Variants in TFEC observed in about 807,000 individuals in gnomAD.
TFEC encodes class E basic helix-loop-helix protein 34.
Under a neutral mutation model 41.6 loss-of-function variants are expected in TFEC, and 31 were observed. The ratio of observed to expected loss-of-function variants is 0.74; its 90% CI spans 0.56 to 1.01. The LOEUF is 1.01. Among genes scored for constraint, TFEC ranks in the 50% least tolerant of loss-of-function variants. TFEC has a pLI of 0.00. For synonymous variants in TFEC, 143 were observed against 140.6 expected (o/e 1.02, Z -0.12); for missense variants, 402 against 404.1 (o/e 0.99, Z 0.04).
At position 115,975,389 on chromosome 7, in the gene TFEC, C is replaced by T. The variant is rs544619228; in HGVS notation, c.181-1133G>A. 2.6e-5 allele frequency among the ~76,000 whole-genome samples: 4 copies of T among 152,184 alleles called. No homozygotes were observed. The South Asian group carries it at 8.3e-4, about 32-fold the overall frequency. ...ATATATGCAGATACAGTCAGGAGTA[C>T]ACTCTAATAGATATGGAAAAATATT... On this transcript the variant is annotated intron_variant, in intron 2 of 7. Transcript: ENST00000265440.
chr7:115,946,974 G>T (rs1241799610), intron 6 of TFEC, among the ~76,000 whole-genome samples: 1 of 150,926 alleles, frequency 6.6e-6, no homozygotes, highest in African/African-American at 2.4e-5. Context: ...CAATGTGCAG[G>T]TTAGTTACAT....
chr7:116,120,658 A>C (rs1294989322), intron 1 of TFEC, among the ~76,000 whole-genome samples: 1 of 151,972 alleles, frequency 6.6e-6, no homozygotes, highest in African/African-American at 2.4e-5. Context: ...TAGTTTCATT[A>C]GCATAGAATT....
chr7:115,952,179 T>C (rs1791983205), intron 5 of TFEC, among the ~76,000 whole-genome samples: 1 of 152,062 alleles, frequency 6.6e-6, no homozygotes. Context: ...TAATACATTG[T>C]GATTCCTCTA....
intron 3 of TFEC, among the ~76,000 whole-genome samples, chr7:115,967,217 T>TTA (rs1279138523): frequency 4.0e-5 from 6 of 151,762 alleles, no homozygotes; most frequent in South Asian, 2.1e-4. Flanking sequence ...AAAAAATACC[T>TTA]TATATATATG....
intron 3 of TFEC, among the ~76,000 whole-genome samples, chr7:116,106,627 C>T (rs1022760388): frequency 6.6e-6 from 1 of 152,074 alleles, no homozygotes; most frequent in Non-Finnish European, 1.5e-5. Flanking sequence ...GTCTTTATGT[C>T]CACCCGCCTC....
At chr7:116,098,586 C>A (rs1797526022) in intron 3 of TFEC, among the ~76,000 whole-genome samples, 1 of 151,872 alleles carries the variant, frequency 6.6e-6, no homozygotes, top group Non-Finnish European at 1.5e-5. Context: ...ACTGAGAGAA[C>A]TGAAAGAAAA....
intron 3 of TFEC, among the ~76,000 whole-genome samples, chr7:116,101,716 A>G (rs1167025564): frequency 6.6e-6 from 1 of 152,100 alleles, no homozygotes; most frequent in Non-Finnish European, 1.5e-5. Flanking sequence ...GCAACAATGA[A>G]TGTATTGTAA....
chr7:116,104,499 T>G (rs1797672193), intron 3 of TFEC, among the ~76,000 whole-genome samples: 1 of 152,074 alleles, frequency 6.6e-6, no homozygotes, highest in South Asian at 2.1e-4. Flanking sequence ...TATCAGAGAG[T>G]GCTAGATACA....
chr7:116,120,921 G>C (rs1490223417), intron 1 of TFEC, among the ~76,000 whole-genome samples: 1 of 151,796 alleles, frequency 6.6e-6, no homozygotes, highest in African/African-American at 2.4e-5. Flanking sequence ...ATATTTACTG[G>C]TTCTATAAAA....
intron 3 of TFEC, among the ~76,000 whole-genome samples, chr7:116,046,562 T>C (rs566891380): frequency 6.6e-6 from 1 of 152,242 alleles, no homozygotes; most frequent in South Asian, 2.1e-4. Context: ...TTATCAACAG[T>C]GTGAAAATGA....
intron 1 of TFEC, among the ~76,000 whole-genome samples, chr7:116,159,110 A>G (rs1331842573): frequency 1.3e-5 from 2 of 151,866 alleles, no homozygotes; most frequent in African/African-American, 4.8e-5. Flanking sequence ...TCATTTACTT[A>G]AAGAGCTATC....
intron 3 of TFEC, among the ~76,000 whole-genome samples, chr7:115,973,665 G>A (rs902938088): frequency 1.4e-4 from 21 of 151,930 alleles, no homozygotes; most frequent in Non-Finnish European, 2.8e-4. Flanking sequence ...CTTTAAAGGA[G>A]GGTGAGGCCT....
intron 1 of TFEC, among the ~76,000 whole-genome samples, chr7:116,158,429 C>A (rs1798912474): frequency 6.6e-6 from 1 of 152,112 alleles, no homozygotes; most frequent in Admixed American, 6.6e-5. Context: ...ACATCTGAAG[C>A]ATGAATTCCC....
At chr7:116,033,724 G>A (rs1465697291), upstream of TFEC, among the ~76,000 whole-genome samples, 1 of 152,072 alleles carries the variant, frequency 6.6e-6, no homozygotes, top group Admixed American at 6.6e-5. Flanking sequence ...GTAATCTACA[G>A]TGCCAAACAT....
intron 6 of TFEC, 92 bp downstream of exon 6, chr7:115,950,782 T>C: frequency 1.1e-6 from 1 of 917,858 alleles, no homozygotes; most frequent in Non-Finnish European, 1.6e-6. Context: ...CTTAGTTTCC[T>C]AGTCATTGGT....
chr7:116,014,787 G>C (rs748880117), intron 1 of TFEC, among the ~76,000 whole-genome samples: 8 of 152,088 alleles, frequency 5.3e-5, no homozygotes, highest in African/African-American at 9.7e-5. Flanking sequence ...ATAAGATGGT[G>C]ACAGGAGGAC....
intron 1 of TFEC, among the ~76,000 whole-genome samples, chr7:115,986,209 C>T (rs1214777654): frequency 6.6e-6 from 1 of 152,080 alleles, no homozygotes; most frequent in Non-Finnish European, 1.5e-5. Flanking sequence ...GCAACAACAA[C>T]AATGATAATA....
At chr7:116,068,276 C>T (rs1268339949) in intron 3 of TFEC, among the ~76,000 whole-genome samples, 2 of 151,756 alleles carry the variant, frequency 1.3e-5, no homozygotes, top group Non-Finnish European at 3.0e-5. Flanking sequence ...CCTGATCTCA[C>T]TGAACCTGGG....
chr7:116,061,999 T>C (rs1423251596), intron 3 of TFEC, among the ~76,000 whole-genome samples: 1 of 151,856 alleles, frequency 6.6e-6, no homozygotes, highest in African/African-American at 2.4e-5. Context: ...GTAGGAATTT[T>C]TTTTTTTTTA....
Sources: gnomAD v4.1 joint callset for allele counts (sites outside exome capture counted in the v4.1 genomes callset) on GRCh38, gnomAD v4.1.1 for gene constraint, MANE v1.5 for transcripts, NCBI Gene and HGNC (gene_info 2026-07-23, HGNC 2026-07-21) for gene names.